DPYSL2: variants seen among roughly 807,000 people sequenced by gnomAD.
DPYSL2 encodes dihydropyrimidinase like 2.
DPYSL2 carries 13 observed loss-of-function variants against 69.9 expected under a neutral mutation model. That is an observed-to-expected ratio of 0.19 (90% CI 0.12 to 0.30). DPYSL2 has a LOEUF of 0.30. Among genes scored for constraint, DPYSL2 ranks in the 10% least tolerant of loss-of-function variants. The pLI is 1.00. For missense variants in DPYSL2, 587 were observed against 918.9 expected (o/e 0.64, Z 4.67); for synonymous variants, 326 against 359.1 (o/e 0.91, Z 1.04).
rs1802199184 is a variant in DPYSL2, at chr8:26,610,446, A to G, written c.629-13697A>G. ...TCTTCCTTTTCTAGCATTTACTCTT[A>G]TGTTACAATTAGTGCCTGCTTGCTG... On this transcript the variant is annotated intron_variant, in intron 3 of 13. Transcript: ENST00000521913. The surrounding 1 kb of genome is among the most constrained non-coding windows in gnomAD (Gnocchi z 4.5). 6.6e-6 allele frequency among the ~76,000 whole-genome samples: 1 copy of G among 151,990 alleles called. No homozygotes were observed. Among genetic ancestry groups the G allele is most frequent in the Non-Finnish European group, 1.5e-5 (1 of 68,016 alleles).
rs1293758146 is a variant in DPYSL2, at chr8:26,585,269, CT to C, written c.628+1288del. ...ATTTTTCCGAGTGGTGGTCTTTTTGCTTGTGGCTTTGGGGTCTATCTGGAAG... is the reference window on the plus strand; with the variant it reads ...ATTTTTCCGAGTGGTGGTCTTTTTGCTGTGGCTTTGGGGTCTATCTGGAAG... On this transcript the variant is annotated intron_variant, in intron 3 of 13. Transcript: ENST00000521913. The surrounding 1 kb of genome is among the most constrained non-coding windows in gnomAD (Gnocchi z 4.0). 6.6e-6 allele frequency among the ~76,000 whole-genome samples: 1 copy of C among 152,080 alleles called. No individual in the cohort carries two copies. Among genetic ancestry groups the C allele is most frequent in the Non-Finnish European group, 1.5e-5 (1 of 68,004 alleles).
chr8:26,655,799 T>G lies in DPYSL2; in HGVS notation c.*93T>G. ...TCTTCCTTCCTTTTTTTTTTTTTGT[T>G]TTTTTTTTTAAGAGCCTGTGATAGT... On this transcript the variant is annotated 3_prime_UTR_variant, in exon 14 of 14. Transcript: ENST00000521913. The G allele has an allele frequency of 3.0e-5, 36 of 1,207,682 alleles. No homozygotes were observed. The highest frequency in any genetic ancestry group is 2.2e-4 in the Middle Eastern group (1 of 4,520). 74.8% of individuals were successfully genotyped at this position (1,207,682 alleles called of 1,614,324 possible). A position where few individuals can be genotyped will look rare whatever the true frequency, so the allele number is the denominator to read the frequency against.
intron 1 of DPYSL2, among the ~76,000 whole-genome samples, chr8:26,548,758 G>T (rs1002533145): frequency 2.0e-5 from 3 of 151,780 alleles, no homozygotes; most frequent in African/African-American, 7.3e-5. Flanking sequence ...GCATGCCTGT[G>T]GTCCCAGCTA....
In DPYSL2 at chr8:26,627,097, G is replaced by C. The variant is rs17322275; in HGVS notation, c.856-118G>C. ...CATATCAAAAAAAGTCAGGCTAATA[G>C]AATCGCCTAGGTGTCCTGTTTCTCA... is the stretch of plus-strand genomic sequence containing the variant. On this transcript the variant is annotated intron_variant, in intron 5 of 13. Coordinates refer to ENST00000521913, the MANE Select transcript of DPYSL2 (RefSeq NM_001197293.3). The surrounding 1 kb of genome is among the most constrained non-coding windows in gnomAD (Gnocchi z 6.9). The C allele has an allele frequency of 0.16, 141,288 of 898,448 alleles. 12,360 individuals are homozygous for C. The highest frequency in any genetic ancestry group is 0.21 in the Middle Eastern group (922 of 4,388). The allele number at this position is 898,448 out of a possible 1,614,324, so 55.7% of individuals were successfully genotyped here. A position where few individuals can be genotyped will look rare whatever the true frequency, so the allele number is the denominator to read the frequency against.
chr8:26,534,291 C>G (rs1800557765), intron 1 of DPYSL2, among the ~76,000 whole-genome samples: 1 of 152,150 alleles, frequency 6.6e-6, no homozygotes, highest in Non-Finnish European at 1.5e-5. Context: ...AGTGATCCTC[C>G]CACCTTGGCC....
At chr8:26,566,416 G>C (rs186908639) in intron 1 of DPYSL2, among the ~76,000 whole-genome samples, 1 of 152,356 alleles carries the variant, frequency 6.6e-6, no homozygotes, top group Admixed American at 6.5e-5. Context: ...GAAATGCTGA[G>C]TAAATGCTCA....
chr8:26,572,237 G>A (rs963631357), intron 1 of DPYSL2, among the ~76,000 whole-genome samples: 3 of 152,222 alleles, frequency 2.0e-5, no homozygotes, highest in African/African-American at 7.2e-5. Context: ...CCCCAAAGGG[G>A]AACATGAAAC....
chr8:26,537,876 T>C (rs1319503899), intron 1 of DPYSL2, among the ~76,000 whole-genome samples: 1 of 152,230 alleles, frequency 6.6e-6, no homozygotes, highest in African/African-American at 2.4e-5. Flanking sequence ...AGGATTATCA[T>C]TTACTTGTCG....
At position 26,652,064 on chromosome 8, in the gene DPYSL2, A is replaced by G. The variant is rs999595600; in HGVS notation, c.1597-193A>G. On this transcript the variant is annotated intron_variant, in intron 11 of 13. Transcript: ENST00000521913. The surrounding 1 kb of genome is among the most constrained non-coding windows in gnomAD (Gnocchi z 6.3). ...TTCTTTCTAATGTGGAGAGGTAGAA[A>G]AAGTTATTTCATATTCTAGACAGGG... Among the ~76,000 whole-genome samples the G allele has an allele frequency of 1.3e-5, 2 of 152,190 alleles. No homozygotes were observed. Among genetic ancestry groups the G allele is most frequent in the African/African-American group, 4.8e-5 (2 of 41,454 alleles).
rs536755499 is a variant in DPYSL2, at chr8:26,560,227, G to C, written c.355-21742G>C. Among the ~76,000 whole-genome samples, 58 of 152,274 alleles carry C rather than the reference G, an allele frequency of 3.8e-4. 1 individual carries two copies. The highest frequency in any genetic ancestry group is 1.1e-3 in the African/African-American group (44 of 41,558). ...CTGGGTGGCAGGGGCTGCATGTTTAGAACTTTCACAAAACAGGGTATATTT... is the reference window on the plus strand; with the variant it reads ...CTGGGTGGCAGGGGCTGCATGTTTACAACTTTCACAAAACAGGGTATATTT... On this transcript the variant is annotated intron_variant, in intron 1 of 13. Transcript: ENST00000521913. The surrounding 1 kb of genome is among the most constrained non-coding windows in gnomAD (Gnocchi z 4.4).
intron 8 of DPYSL2, among the ~76,000 whole-genome samples, chr8:26,636,125 C>T (rs1338437107): frequency 3.3e-5 from 5 of 152,228 alleles, no homozygotes; most frequent in Non-Finnish European, 7.3e-5. Flanking sequence ...TGCTGCCTTT[C>T]TGTCTTCTCC....
chr8:26,556,116 A>G lies in DPYSL2; in HGVS notation c.355-25853A>G, dbSNP rs1406731974. ...TATAAATTATATATAGTATATATAT[A>G]CTATATATATTATATATACTATATA... On this transcript the variant is annotated intron_variant, in intron 1 of 13. Transcript: ENST00000521913. Among the ~76,000 whole-genome samples the G allele has an allele frequency of 1.8e-4, 3 of 16,658 alleles. 1 individual carries two copies. The highest frequency in any genetic ancestry group is 1.5e-3 in the South Asian group (1 of 668). The allele number at this position is 16,658 out of a possible 152,430, so 10.9% of individuals were successfully genotyped here.
Position 26,621,175 on chromosome 8 carries a change from G to GA in DPYSL2, c.629-2962dup, listed in dbSNP as rs1802473776. 2.0e-5 allele frequency among the ~76,000 whole-genome samples: 3 copies of GA among 152,108 alleles called. No individual in the cohort carries two copies. Among genetic ancestry groups the GA allele is most frequent in the Admixed American group, 1.3e-4 (2 of 15,266 alleles). On this transcript the variant is annotated intron_variant, in intron 3 of 13. Coordinates refer to ENST00000521913, the MANE Select transcript of DPYSL2 (RefSeq NM_001197293.3). This position sits in a 1 kb window ranked among gnomAD's most constrained non-coding sequence, Gnocchi z 4.9. ...GAAATAGAATAAGGTATAATATATA[G>GA]AAAAAAGGCAGTAAAAATACACCCA...
At chr8:26,576,377 C>G (rs986289734) in intron 1 of DPYSL2, among the ~76,000 whole-genome samples, 7 of 151,984 alleles carry the variant, frequency 4.6e-5, no homozygotes, top group Admixed American at 3.3e-4. Flanking sequence ...TCCCCCACCC[C>G]CCAGCCCATG....
rs548199361 is a variant in DPYSL2, at chr8:26,628,042, A to G, written c.1005+102A>G. 15 of 1,179,680 alleles carry G rather than the reference A, an allele frequency of 1.3e-5. No individual in the cohort carries two copies. In the African/African-American group the frequency reaches 1.7e-4, roughly 13 times the overall value. 73.1% of individuals were successfully genotyped at this position (1,179,680 alleles called of 1,614,324 possible). A position where few individuals can be genotyped will look rare whatever the true frequency, so the allele number is the denominator to read the frequency against. ...GCCTGTTGAGAAGGGGGCTTCTCTG[A>G]TGCTGACTGTGGTCTTTCTGAGAAG... On this transcript the variant is annotated intron_variant, in intron 7 of 13. Coordinates refer to ENST00000521913, the MANE Select transcript of DPYSL2 (RefSeq NM_001197293.3).
intron 3 of DPYSL2, among the ~76,000 whole-genome samples, chr8:26,607,083 T>C (rs536262953): frequency 1.1e-3 from 163 of 152,346 alleles, no homozygotes; most frequent in African/African-American, 3.8e-3. Context: ...ATGTTCATTG[T>C]AGCATTATTT....
In DPYSL2 at chr8:26,524,835, A is replaced by AAAAAAG. The variant is rs1563374151; in HGVS notation, c.354+10157_354+10158insAAAAGA. Among the ~76,000 whole-genome samples, 378 of 74,152 alleles carry AAAAAAG rather than the reference A, an allele frequency of 5.1e-3. 10 individuals are homozygous for AAAAAAG. Among genetic ancestry groups the AAAAAAG allele is most frequent in the Middle Eastern group, 0.012 (1 of 86 alleles). 48.6% of individuals were successfully genotyped at this position (74,152 alleles called of 152,430 possible). A position where few individuals can be genotyped will look rare whatever the true frequency, so the allele number is the denominator to read the frequency against. Reference sequence around the variant, plus strand: ...AAAAAAAAAAAAAAAAAAAAAAAAAAAGAGAGAGAATTACTGTTTTTCAAT... The same window carrying AAAAAAG: ...AAAAAAAAAAAAAAAAAAAAAAAAAAAAAAAGAGAGAGAGAATTACTGTTTTTCAAT... On this transcript the variant is annotated intron_variant, in intron 1 of 13. Coordinates refer to ENST00000521913, the MANE Select transcript of DPYSL2 (RefSeq NM_001197293.3).
chr8:26,647,476 G>T lies in DPYSL2; in HGVS notation c.1426-154G>T, dbSNP rs898191412. Among the ~76,000 whole-genome samples the T allele has an allele frequency of 3.3e-5, 5 of 152,202 alleles. No individual in the cohort carries two copies. The highest frequency in any genetic ancestry group is 1.2e-4 in the African/African-American group (5 of 41,454). On this transcript the variant is annotated intron_variant, in intron 10 of 13. Transcript: ENST00000521913. This position sits in a 1 kb window ranked among gnomAD's most constrained non-coding sequence, Gnocchi z 5.1. ...TGTTATAGAAATGGAGTCATACAGT[G>T]TGTGACCTTTGAGACGGTTTGTGTT... is the stretch of plus-strand genomic sequence containing the variant.
chr8:26,550,735 C>A (rs1436373856), intron 1 of DPYSL2, among the ~76,000 whole-genome samples: 1 of 152,178 alleles, frequency 6.6e-6, no homozygotes, highest in African/African-American at 2.4e-5. Flanking sequence ...AGACTGTCTG[C>A]AAGCTGGAGA....
Sources: allele counts gnomAD v4.1 joint callset (sites outside exome capture counted in the v4.1 genomes callset), GRCh38; gene constraint gnomAD v4.1.1; non-coding constraint Gnocchi (gnomAD v3.1); transcripts MANE v1.5; gene names NCBI Gene and HGNC (gene_info 2026-07-23, HGNC 2026-07-21).